VPS26C: variants seen among roughly 807,000 people sequenced by gnomAD.
VPS26C encodes the protein VPS26 endosomal protein sorting factor C, also known as vacuolar protein sorting-associated protein 26C.
Under a neutral mutation model 30.6 loss-of-function variants are expected in VPS26C, and 19 were observed. The ratio of observed to expected loss-of-function variants is 0.62; its 90% CI spans 0.43 to 0.91. The LOEUF is 0.91. Among genes scored for constraint, VPS26C ranks in the 40% least tolerant of loss-of-function variants. The pLI, the probability that VPS26C is intolerant of heterozygous loss-of-function variation, is 0.00. For missense variants in VPS26C, 318 were observed against 385.1 expected (o/e 0.83, Z 1.46); for synonymous variants, 132 against 151.5 (o/e 0.87, Z 0.95).
At chr21:37,263,119 A>G (rs2148312509) in intron 1 of VPS26C, among the ~76,000 whole-genome samples, 1 of 152,200 alleles carries the variant, frequency 6.6e-6, no homozygotes, top group East Asian at 1.9e-4. Context: ...GTAATTTTTA[A>G]AAAATCATTT....
chr21:37,242,779 C>A (rs980430017), intron 1 of VPS26C, among the ~76,000 whole-genome samples: 8 of 152,186 alleles, frequency 5.3e-5, no homozygotes. Context: ...GTCTCTGGGT[C>A]TCCCTGATGG....
intron 1 of VPS26C, chr21:37,261,954 T>C (rs2086308650): frequency 6.6e-6 from 1 of 151,616 alleles, no homozygotes; most frequent in South Asian, 2.1e-4. Flanking sequence ...AAAAGAAAAA[T>C]AAAACTTAAG....
intron 1 of VPS26C, among the ~76,000 whole-genome samples, chr21:37,244,194 C>A (rs957720665): frequency 6.6e-6 from 1 of 152,244 alleles, no homozygotes; most frequent in Non-Finnish European, 1.5e-5. Context: ...CTGGCTCTCA[C>A]AGCGGAAACC....
chr21:37,262,269 T>C (rs3787801), intron 1 of VPS26C, among the ~76,000 whole-genome samples: 25,828 of 152,184 alleles, frequency 0.17, 2,534 homozygotes, highest in Non-Finnish European at 0.22. Flanking sequence ...CAGGTTTACA[T>C]TGTCTATTCC....
intron 1 of VPS26C, among the ~76,000 whole-genome samples, chr21:37,256,392 T>G (rs1027792765): frequency 6.6e-6 from 1 of 152,190 alleles, no homozygotes; most frequent in Non-Finnish European, 1.5e-5. Flanking sequence ...CAGCTCTGCT[T>G]TTATCTGTTT....
At chr21:37,235,429 CAG>C (rs965572522) in intron 3 of VPS26C, among the ~76,000 whole-genome samples, 14 of 152,182 alleles carry the variant, frequency 9.2e-5, no homozygotes, top group African/African-American at 3.4e-4. Flanking sequence ...CCACGGTGCC[CAG>C]CCCTGTCCAT....
Position 37,257,410 on chromosome 21 carries a change from C to G in VPS26C, c.57+9828G>C, listed in dbSNP as rs1479378016. On this transcript the variant is annotated intron_variant, in intron 1 of 7. Coordinates refer to ENST00000309117, the MANE Select transcript of VPS26C (RefSeq NM_006052.2). The surrounding 1 kb of genome is among the most constrained non-coding windows in gnomAD (Gnocchi z 4.2). ...TTCCGAAGCGTCTGGCCTGTGTGCT[C>G]TCGGGGAGGGGACGCAGGTCAGCCC... is the stretch of plus-strand genomic sequence containing the variant. Among the ~76,000 whole-genome samples the G allele has an allele frequency of 6.6e-6, 1 of 152,150 alleles. No homozygotes were observed. The highest frequency in any genetic ancestry group is 1.5e-5 in the Non-Finnish European group (1 of 68,030).
chr21:37,236,612 T>G (rs1335175864), intron 3 of VPS26C, among the ~76,000 whole-genome samples: 2 of 152,194 alleles, frequency 1.3e-5, no homozygotes, highest in African/African-American at 4.8e-5. Context: ...TAAAATGATT[T>G]AGAAAAAAAT....
chr21:37,259,988 T>C (rs1378573016), intron 1 of VPS26C, among the ~76,000 whole-genome samples: 1 of 152,196 alleles, frequency 6.6e-6, no homozygotes, highest in African/African-American at 2.4e-5. Context: ...TAAAACACTA[T>C]CTCATTTAAT....
At chr21:37,234,588 C>G (rs2086000246) in intron 3 of VPS26C, among the ~76,000 whole-genome samples, 2 of 152,158 alleles carry the variant, frequency 1.3e-5, no homozygotes, top group African/African-American at 4.8e-5. Flanking sequence ...TCACATAATC[C>G]ACGTTTAATA....
At chr21:37,267,893 C>A (rs1029024745), upstream of VPS26C, 3 of 153,724 alleles carry the variant, frequency 2.0e-5, no homozygotes, top group African/African-American at 7.2e-5. Context: ...CTGTCTGCGG[C>A]CAGGCGCCGC....
At position 37,233,982 on chromosome 21, in the gene VPS26C, C is replaced by T. The variant is rs999590521; in HGVS notation, c.352-540G>A. Among the ~76,000 whole-genome samples, 16 of 152,356 alleles carry T rather than the reference C, an allele frequency of 1.1e-4. No homozygotes were observed. Among genetic ancestry groups the T allele is most frequent in the Middle Eastern group, 3.4e-3 (1 of 294 alleles). On this transcript the variant is annotated intron_variant, in intron 3 of 7. Coordinates refer to ENST00000309117, the MANE Select transcript of VPS26C (RefSeq NM_006052.2). The surrounding 1 kb of genome is among the most constrained non-coding windows in gnomAD (Gnocchi z 5.2). Reference sequence around the variant, plus strand: ...TGGAAAACAGCAGCTACTTTGTAAGCGGGATTAGAAAATCCATGCAGTGAG... The same window carrying T: ...TGGAAAACAGCAGCTACTTTGTAAGTGGGATTAGAAAATCCATGCAGTGAG...
At chr21:37,228,493 C>G (rs1423846735) in intron 5 of VPS26C, 120 bp from the exon 6 acceptor site, 1 of 1,100,630 alleles carries the variant, frequency 9.1e-7, no homozygotes. Flanking sequence ...CCACCGGGAC[C>G]GTCTCACAAA....
chr21:37,242,778 T>C (rs1293803577), intron 1 of VPS26C, among the ~76,000 whole-genome samples: 4 of 152,234 alleles, frequency 2.6e-5, no homozygotes, highest in African/African-American at 9.6e-5. Flanking sequence ...GGTCTCTGGG[T>C]CTCCCTGATG....
chr21:37,267,830 C>G (rs905639580), upstream of VPS26C: 7 of 157,058 alleles, frequency 4.5e-5, no homozygotes, highest in African/African-American at 1.7e-4. Context: ...CTCCTCAACT[C>G]TAGCCCTCCA....
At chr21:37,232,234 T>C (rs2148285427) in intron 5 of VPS26C, 143 bp downstream of exon 5, 2 of 701,114 alleles carry the variant, frequency 2.9e-6, no homozygotes, top group East Asian at 5.4e-5. Flanking sequence ...AAATGGAAAA[T>C]ACTGAGTAAT....
intron 3 of VPS26C, 77 bp downstream of exon 3, chr21:37,238,383 A>C (rs2086046565): frequency 1.3e-6 from 2 of 1,528,962 alleles, no homozygotes; most frequent in Non-Finnish European, 1.8e-6. Context: ...CCCGTCTACT[A>C]ACGTTGAGAG....
intron 1 of VPS26C, among the ~76,000 whole-genome samples, chr21:37,248,881 C>G (rs571380035): frequency 1.3e-5 from 2 of 152,214 alleles, no homozygotes; most frequent in African/African-American, 4.8e-5. Context: ...CCAGTAGCAA[C>G]TTAAAACAAC....
intron 1 of VPS26C, among the ~76,000 whole-genome samples, chr21:37,245,114 A>C (rs2086124445): frequency 6.6e-6 from 1 of 152,242 alleles, no homozygotes; most frequent in South Asian, 2.1e-4. Context: ...GAGAGGTTAA[A>C]AGGAACCAGC....
Sources: allele counts gnomAD v4.1 joint callset (sites outside exome capture counted in the v4.1 genomes callset), GRCh38; gene constraint gnomAD v4.1.1; non-coding constraint Gnocchi (gnomAD v3.1); transcripts MANE v1.5; gene names NCBI Gene and HGNC (gene_info 2026-07-23, HGNC 2026-07-21).